The following ZNF90 variants were observed in gnomAD, a reference collection of about 807,000 sequenced individuals.
ZNF90 encodes zinc finger protein 90.
In ZNF90, 11 loss-of-function variants were observed where a neutral mutation model predicts 12.0. That is an observed-to-expected ratio of 0.92 (90% CI 0.58 to 1.52). ZNF90 has a LOEUF of 1.52. Among genes scored for constraint, ZNF90 ranks in the 40% most tolerant of loss-of-function variants. The pLI is 0.00. For synonymous variants in ZNF90, 232 were observed against 240.1 expected (o/e 0.97, Z 0.31); for missense variants, 765 against 711.5 (o/e 1.08, Z -0.86).
intron 3 of ZNF90, among the ~76,000 whole-genome samples, chr19:20,108,663 T>C (rs1054364544): frequency 5.3e-5 from 8 of 151,956 alleles, no homozygotes; most frequent in African/African-American, 1.7e-4. Context: ...TACCAGATTT[T>C]ATGAGTAAAC....
chr19:20,080,290 T>G (rs1196646439), intron 1 of ZNF90: 1 of 562,998 alleles, frequency 1.8e-6, no homozygotes, highest in Non-Finnish European at 3.5e-6. Flanking sequence ...ATTAGATGTA[T>G]TGTAGACAAC....
chr19:20,083,995 A>G (rs1270825877), intron 1 of ZNF90, among the ~76,000 whole-genome samples: 4 of 152,214 alleles, frequency 2.6e-5, no homozygotes, highest in African/African-American at 9.6e-5. Context: ...AACTCAGGCA[A>G]TCCAACTGCC....
chr19:20,088,483 G>T (rs979622938), intron 1 of ZNF90, among the ~76,000 whole-genome samples: 3 of 152,150 alleles, frequency 2.0e-5, no homozygotes, highest in Non-Finnish European at 4.4e-5. Flanking sequence ...GAATTGGGAG[G>T]ACCCAAGACA....
At chr19:20,088,278 G>C (rs548267092) in intron 1 of ZNF90, among the ~76,000 whole-genome samples, 34 of 152,234 alleles carry the variant, frequency 2.2e-4, no homozygotes, top group Admixed American at 6.5e-4. Flanking sequence ...GGGGGCGTGG[G>C]AACCTAGAGT....
chr19:20,105,005 AC>A (rs1476051361), intron 2 of ZNF90, among the ~76,000 whole-genome samples: 4 of 151,962 alleles, frequency 2.6e-5, no homozygotes, highest in Admixed American at 2.0e-4. Context: ...AAAACAAAAA[AC>A]AAACAAAAAA....
chr19:20,086,249 T>C (rs2122478454), intron 1 of ZNF90, among the ~76,000 whole-genome samples: 1 of 147,818 alleles, frequency 6.8e-6, no homozygotes, highest in East Asian at 2.0e-4. Context: ...TTTTTTTTTT[T>C]TTTTTGAGAC....
chr19:20,110,340 G>A (rs1214521351), intron 3 of ZNF90, among the ~76,000 whole-genome samples: 3 of 151,952 alleles, frequency 2.0e-5, no homozygotes, highest in Non-Finnish European at 4.4e-5. Context: ...GTGCAGTGGT[G>A]TGATCTTGGC....
rs1220444733 is a variant in ZNF90 at position 20,105,269 on chromosome 19, A to G, written c.179A>G (p.Lys60Arg). 1.9e-6 allele frequency: 3 copies of G among 1,608,276 alleles called. No individual in the cohort carries two copies. In the African/African-American group the frequency reaches 4.0e-5, roughly 22 times the overall value. The part of the protein sequence containing the change: ...PDLITCLEQG[K>R]KPFTVKRHEM... ...CTGATCACCTGTCTGGAGCAAGGAAAAAAACCCTTCACTGTGAAGAGACAT... is the reference window on the plus strand; with the variant it reads ...CTGATCACCTGTCTGGAGCAAGGAAGAAAACCCTTCACTGTGAAGAGACAT... Residue 60 changes from lysine to arginine, a missense_variant, in exon 3 of 4, where the codon AAA (lysine) becomes AGA (arginine). Transcript: ENST00000418063.
chr19:20,107,072 C>G (rs534034095), intron 3 of ZNF90: 16 of 448,328 alleles, frequency 3.6e-5, no homozygotes, highest in South Asian at 2.3e-4. Flanking sequence ...GAGTACCAGA[C>G]AGCATTTCCT....
chr19:20,092,899 T>C (rs1318717519), intron 1 of ZNF90, among the ~76,000 whole-genome samples: 2 of 151,990 alleles, frequency 1.3e-5, no homozygotes, highest in African/African-American at 2.4e-5. Flanking sequence ...CATCAATATA[T>C]TGAATAAGGT....
intron 1 of ZNF90, among the ~76,000 whole-genome samples, chr19:20,101,875 A>T (rs10416453): frequency 0.019 from 2,936 of 152,250 alleles, 99 homozygotes; most frequent in African/African-American, 0.068. Flanking sequence ...ACATCTGTAC[A>T]TGTGTTTATC....
At position 20,093,045 on chromosome 19, in the gene ZNF90, T is replaced by C. The variant is rs1032608937; in HGVS notation, c.4-11194T>C. On this transcript the variant is annotated intron_variant, in intron 1 of 3. Coordinates refer to ENST00000418063, the MANE Select transcript of ZNF90 (RefSeq NM_007138.2). ...TGATGGGTGTCAGGGTCAGTCCAGG[T>C]GAAAGCAAAGAGAGGCTGGGACGAG... Among the ~76,000 whole-genome samples, 5 of 152,094 alleles carry C rather than the reference T, an allele frequency of 3.3e-5. No individual in the cohort carries two copies. The South Asian group carries it at 8.3e-4, about 25-fold the overall frequency.
chr19:20,119,493 T>A lies in ZNF90; in HGVS notation c.*133T>A, dbSNP rs1384992307. The stretch of plus-strand genomic sequence containing the variant: ...TATGAGAATTTATATGAAACATAAC[T>A]CCTACAAAAATAAAGAATGTGACAA... On this transcript the variant is annotated 3_prime_UTR_variant, in exon 4 of 4. Transcript: ENST00000418063. 1 of 771,658 alleles carries A rather than the reference T, an allele frequency of 1.3e-6. No individual in the cohort carries two copies. The highest frequency in any genetic ancestry group is 3.0e-5 in the Admixed American group (1 of 33,742). The allele number at this position is 771,658 out of a possible 1,614,324, so 47.8% of individuals were successfully genotyped here.
chr19:20,104,193 A>AT, intron 1 of ZNF90, 46 bp from the exon 2 acceptor site: 1 of 1,608,850 alleles, frequency 6.2e-7, no homozygotes, highest in Non-Finnish European at 8.5e-7. Context: ...AACTTTGCCC[A>AT]TGACCACTTG....
intron 1 of ZNF90, chr19:20,087,135 C>A (rs552296984): frequency 6.6e-6 from 1 of 151,872 alleles, no homozygotes; most frequent in African/African-American, 2.4e-5. Context: ...TAAGATCTGC[C>A]TCCTTCATAA....
intron 1 of ZNF90, among the ~76,000 whole-genome samples, chr19:20,083,134 AG>A (rs1406987298): frequency 1.3e-5 from 2 of 152,008 alleles, no homozygotes; most frequent in African/African-American, 4.8e-5. Flanking sequence ...GTAAATAACT[AG>A]GGAACTCAGA....
intron 1 of ZNF90, among the ~76,000 whole-genome samples, chr19:20,096,020 G>C (rs949032131): frequency 3.3e-5 from 5 of 152,182 alleles, no homozygotes; most frequent in Non-Finnish European, 7.3e-5. Context: ...ACCGGTGCCG[G>C]AGTTTTGGGT....
intron 3 of ZNF90, among the ~76,000 whole-genome samples, chr19:20,106,045 T>A (rs10421960): frequency 0.12 from 1,714 of 13,946 alleles, 45 homozygotes; most frequent in African/African-American, 0.3. Flanking sequence ...TAATTTTTTC[T>A]TTTTTTTTTT....
chr19:20,106,531 G>T (rs1188110625), intron 3 of ZNF90, among the ~76,000 whole-genome samples: 1 of 152,170 alleles, frequency 6.6e-6, no homozygotes, highest in African/African-American at 2.4e-5. Context: ...TTCGCTCATT[G>T]CAAGCTCCGC....
Sources: gnomAD v4.1 joint callset for allele counts (sites outside exome capture counted in the v4.1 genomes callset) on GRCh38, gnomAD v4.1.1 for gene constraint, MANE v1.5 for transcripts, NCBI Gene and HGNC (gene_info 2026-07-23, HGNC 2026-07-21) for gene names.